Variants in DDRGK1 observed in about 807,000 individuals in gnomAD.
The protein encoded by DDRGK1 is DDRGK domain-containing protein 1.
A neutral mutation model predicts 45.8 loss-of-function variants in DDRGK1; 38 were observed. The observed-to-expected ratio is 0.83, with a 90% CI of 0.64 to 1.09. The LOEUF (loss-of-function observed/expected upper bound fraction) is 1.09. DDRGK1 is among the 50% of genes least tolerant of loss of function. The probability of loss-of-function intolerance (pLI) is 0.00; values close to 1 mark genes in which losing one functional copy is unlikely to be tolerated. For missense variants in DDRGK1, 403 were observed against 419.9 expected, an observed-to-expected ratio of 0.96 and a Z score of 0.35; for synonymous variants, 171 against 168.7, an observed-to-expected ratio of 1.01 and a Z score of -0.11.
chr20:3,201,287 C>CA lies in DDRGK1; in HGVS notation c.296-834dup, dbSNP rs60867959. 7.6e-3 allele frequency among the ~76,000 whole-genome samples: 720 copies of CA among 94,334 alleles called. 1 individual carries two copies. The highest frequency in any genetic ancestry group is 0.024 in the African/African-American group (566 of 23,720). 61.9% of individuals were successfully genotyped at this position (94,334 alleles called of 152,430 possible). A position where few individuals can be genotyped will look rare whatever the true frequency, so the allele number is the denominator to read the frequency against. On this transcript the variant is annotated intron_variant, in intron 2 of 8. Coordinates refer to ENST00000354488, the MANE Select transcript of DDRGK1 (RefSeq NM_023935.3). ...TGGGCGACAGAGCGAGACTCTGTCT[C>CA]AAAAAAAAAAAAAAAAAAAAAATTA...
intron 4 of DDRGK1, among the ~76,000 whole-genome samples, chr20:3,195,581 C>T (rs1006573598): frequency 8.5e-5 from 13 of 152,152 alleles, no homozygotes; most frequent in African/African-American, 2.4e-5. Flanking sequence ...TCAGCCCCTT[C>T]TCCCGCCCTC....
Position 3,190,595 on chromosome 20 carries a change from G to A in DDRGK1, c.*58C>T. On this transcript the variant is annotated 3_prime_UTR_variant, in exon 9 of 9. Transcript: ENST00000354488. ...CTTCCCCAGGATGGTGGGGAGGGAT[G>A]AAGATGTATAGCCAGGTAGGCCACA... The A allele has an allele frequency of 6.3e-7, 1 of 1,589,538 alleles. No homozygotes were observed. The highest frequency in any genetic ancestry group is 8.6e-7 in the Non-Finnish European group (1 of 1,163,594).
intron 8 of DDRGK1, 151 bp from the exon 9 acceptor site, chr20:3,190,970 G>C (rs1213190674): frequency 2.0e-5 from 27 of 1,320,568 alleles, no homozygotes; most frequent in Non-Finnish European, 2.3e-5. Flanking sequence ...CCTGCTAGGA[G>C]AGTCGAATCA....
intron 2 of DDRGK1, among the ~76,000 whole-genome samples, chr20:3,201,403 G>A (rs894187134): frequency 2.1e-5 from 3 of 145,910 alleles, no homozygotes; most frequent in Non-Finnish European, 4.5e-5. Context: ...AGCTTGCCGA[G>A]ATCTGCTGCC....
At chr20:3,196,151 C>T (rs1311432590) in intron 4 of DDRGK1, among the ~76,000 whole-genome samples, 1 of 152,184 alleles carries the variant, frequency 6.6e-6, no homozygotes, top group Admixed American at 6.5e-5. Context: ...GGCCATCTCA[C>T]AGGCAGCAGA....
At chr20:3,194,547 A>G (rs1454757567) in intron 6 of DDRGK1, among the ~76,000 whole-genome samples, 1 of 152,180 alleles carries the variant, frequency 6.6e-6, no homozygotes, top group African/African-American at 2.4e-5. Context: ...AAACACACTG[A>G]CTCACTGAGC....
chr20:3,191,566 G>GTTTTTTTTT, intron 7 of DDRGK1, 199 bp downstream of exon 7: 1 of 696,650 alleles, frequency 1.4e-6, no homozygotes, highest in Non-Finnish European at 2.5e-6. Flanking sequence ...TGGGGTTTGG[G>GTTTTTTTTT]TTTTTTTTTT....
chr20:3,190,952 C>T, intron 8 of DDRGK1, 133 bp from the exon 9 acceptor site: 2 of 1,357,550 alleles, frequency 1.5e-6, no homozygotes, highest in Admixed American at 2.3e-5. Context: ...TTCCTGGCTG[C>T]ATCCAGTCCT....
Position 3,191,829 on chromosome 20 carries a change from A to G in DDRGK1, c.673-8T>C, listed in dbSNP as rs780789250. On this transcript the variant is annotated splice_region_variant and splice_polypyrimidine_tract_variant and intron_variant, in intron 6 of 8. Transcript: ENST00000354488. ...GAGCACAACCTTGGACTGCTACAAA[A>G]AGAAGGAGGAAAAGAAAGAGAGGCT... 9 of 1,605,390 alleles carry G rather than the reference A, an allele frequency of 5.6e-6. No homozygotes were observed. The East Asian group carries it at 2.0e-4, about 36-fold the overall frequency.
intron 4 of DDRGK1, among the ~76,000 whole-genome samples, chr20:3,197,789 G>C (rs2067018140): frequency 6.6e-6 from 1 of 151,884 alleles, no homozygotes; most frequent in African/African-American, 2.4e-5. Context: ...AATTAGCCAG[G>C]TGTGGTGGTG....
chr20:3,190,564 C>T lies in DDRGK1; in HGVS notation c.*89G>A. The T allele has an allele frequency of 1.3e-6, 2 of 1,513,208 alleles. No homozygotes were observed. The highest frequency in any genetic ancestry group is 1.8e-6 in the Non-Finnish European group (2 of 1,110,308). 93.7% of individuals were successfully genotyped at this position (1,513,208 alleles called of 1,614,324 possible). A position where few individuals can be genotyped will look rare whatever the true frequency, so the allele number is the denominator to read the frequency against. The stretch of plus-strand genomic sequence containing the variant: ...TTTAATCTATAACTGCCTGGCCACA[C>T]CATCACTTCCCCAGGATGGTGGGGA... On this transcript the variant is annotated 3_prime_UTR_variant, in exon 9 of 9. Coordinates refer to ENST00000354488, the MANE Select transcript of DDRGK1 (RefSeq NM_023935.3).
chr20:3,202,285 G>A (rs1217372191), intron 2 of DDRGK1, among the ~76,000 whole-genome samples: 1 of 152,170 alleles, frequency 6.6e-6, no homozygotes, highest in East Asian at 1.9e-4. Flanking sequence ...CTGAATGCTG[G>A]TCTCACCTAA....
At chr20:3,204,456 AGCCGCG>A in intron 1 of DDRGK1, 75 bp downstream of exon 1, 2 of 1,411,280 alleles carry the variant, frequency 1.4e-6, no homozygotes, top group East Asian at 5.0e-5. Context: ...CACGCGCAGG[AGCCGCG>A]GCGCGACGGT....
At chr20:3,197,479 G>A (rs951093803) in intron 4 of DDRGK1, among the ~76,000 whole-genome samples, 1 of 152,208 alleles carries the variant, frequency 6.6e-6, no homozygotes, top group Non-Finnish European at 1.5e-5. Flanking sequence ...AGGGACAAGT[G>A]AAGCGGATAA....
intron 7 of DDRGK1, 150 bp from the exon 8 acceptor site, chr20:3,191,388 T>C: frequency 2.3e-6 from 2 of 858,712 alleles, no homozygotes; most frequent in Non-Finnish European, 3.8e-6. Context: ...GGAAGGGCCC[T>C]GGGTAGAAGG....
rs954815842 is a variant in DDRGK1 at position 3,204,650 on chromosome 20, C to A, written c.-23G>T. The stretch of plus-strand genomic sequence containing the variant: ...CATGACGAGGGCCTCAGTGCAGAAC[C>A]ACTGCGTCCACCCTGAGGCCGGGAT... On this transcript the variant is annotated 5_prime_UTR_variant, in exon 1 of 9. Coordinates refer to ENST00000354488, the MANE Select transcript of DDRGK1 (RefSeq NM_023935.3). The A allele has an allele frequency of 1.3e-6, 2 of 1,560,066 alleles. No homozygotes were observed. The highest frequency in any genetic ancestry group is 2.7e-5 in the African/African-American group (2 of 74,134).
At chr20:3,198,966 A>C (rs2067024055) in intron 4 of DDRGK1, among the ~76,000 whole-genome samples, 1 of 136,002 alleles carries the variant, frequency 7.4e-6, no homozygotes. Flanking sequence ...ACACGGTGAA[A>C]CCCAATCTCT....
chr20:3,202,559 G>A (rs1371311789), intron 2 of DDRGK1, among the ~76,000 whole-genome samples: 3 of 152,194 alleles, frequency 2.0e-5, no homozygotes, highest in African/African-American at 7.2e-5. Context: ...ACCCACTGAT[G>A]CCTGTGCAGC....
At chr20:3,197,921 CA>C (rs34622182) in intron 4 of DDRGK1, among the ~76,000 whole-genome samples, 4,257 of 65,508 alleles carry the variant, frequency 0.065, 81 homozygotes, top group East Asian at 0.2. Flanking sequence ...GACTGTATCT[CA>C]AAAAAAAAAA....
Sources: gnomAD v4.1 joint callset for allele counts (sites outside exome capture counted in the v4.1 genomes callset) on GRCh38, gnomAD v4.1.1 for gene constraint, MANE v1.5 for transcripts, NCBI Gene and HGNC (gene_info 2026-07-23, HGNC 2026-07-21) for gene names.